KCNN2: variants seen among roughly 807,000 people sequenced by gnomAD.
KCNN2 encodes the protein small conductance calcium-activated potassium channel protein 2.
KCNN2 carries 24 observed loss-of-function variants against 55.5 expected under a neutral mutation model. The observed-to-expected ratio is 0.43, with a 90% CI of 0.31 to 0.61. KCNN2 has a LOEUF of 0.61. Ranked by LOEUF, KCNN2 falls within the 20% of genes least tolerant of loss-of-function variation. The probability of loss-of-function intolerance (pLI) is 0.08; values close to 1 mark genes in which losing one functional copy is unlikely to be tolerated. For missense variants in KCNN2, 754 were observed against 853.6 expected, an observed-to-expected ratio of 0.88 and a Z score of 1.45; for synonymous variants, 431 against 336.1, an observed-to-expected ratio of 1.28 and a Z score of -3.09.
chr5:114,381,823 A>C (rs1303640859), intron 2 of KCNN2, among the ~76,000 whole-genome samples: 1 of 152,108 alleles, frequency 6.6e-6, no homozygotes, highest in Non-Finnish European at 1.5e-5. Context: ...TTTTGCTTGT[A>C]AGCAACATAA....
intron 2 of KCNN2, among the ~76,000 whole-genome samples, chr5:114,228,158 A>C (rs768962867): frequency 3.3e-5 from 5 of 152,118 alleles, no homozygotes; most frequent in South Asian, 4.1e-4. Flanking sequence ...GGAACAATAA[A>C]ATTTCAGTCT....
At chr5:114,148,734 G>A in intron 1 of KCNN2, among the ~76,000 whole-genome samples, 1 of 152,236 alleles carries the variant, frequency 6.6e-6, no homozygotes, top group South Asian at 2.1e-4. Context: ...ACATATACAG[G>A]TTCCAAGATA....
intron 1 of KCNN2, among the ~76,000 whole-genome samples, chr5:114,127,929 C>A (rs573751966): frequency 1.6e-4 from 24 of 152,210 alleles, no homozygotes; most frequent in East Asian, 7.8e-4. Context: ...CAGTTCCCAA[C>A]AAGTTTCTTA....
At chr5:114,275,138 A>T (rs1354279835) in intron 2 of KCNN2, among the ~76,000 whole-genome samples, 4 of 152,322 alleles carry the variant, frequency 2.6e-5, no homozygotes, top group African/African-American at 9.6e-5. Context: ...GATTACATTT[A>T]TTAATTTGCA....
Position 114,087,994 on chromosome 5 carries a change from G to T in KCNN2, c.-271+31494G>T, listed in dbSNP as rs187405741. 3.4e-4 allele frequency among the ~76,000 whole-genome samples: 52 copies of T among 151,996 alleles called. 1 individual carries two copies. The East Asian group carries it at 9.9e-3, about 29-fold the overall frequency. On this transcript the variant is annotated intron_variant, in intron 1 of 10. Transcript: ENST00000512097. The stretch of plus-strand genomic sequence containing the variant: ...ACATTGTTATTATTTTTTATAGTTT[G>T]CAGATTCTATCTGATATTTTTCTTT...
intron 1 of KCNN2, among the ~76,000 whole-genome samples, chr5:114,185,640 A>G (rs758501383): frequency 6.6e-6 from 1 of 152,190 alleles, no homozygotes; most frequent in African/African-American, 2.4e-5. Context: ...TGCGAGCCTA[A>G]ATTTCCATGG....
intron 3 of KCNN2, among the ~76,000 whole-genome samples, chr5:114,420,061 G>C (rs1348724420): frequency 6.6e-6 from 1 of 152,222 alleles, no homozygotes; most frequent in East Asian, 1.9e-4. Flanking sequence ...GAATTGCTCT[G>C]ATCTCTTGAG....
chr5:114,387,113 G>A (rs748148988), intron 2 of KCNN2, among the ~76,000 whole-genome samples: 33 of 152,240 alleles, frequency 2.2e-4, no homozygotes, highest in Non-Finnish European at 2.4e-4. Flanking sequence ...TCAAGATACA[G>A]CATTGAAAAA....
chr5:114,445,684 C>A (rs1760378550), intron 3 of KCNN2, among the ~76,000 whole-genome samples: 1 of 152,130 alleles, frequency 6.6e-6, no homozygotes, highest in African/African-American at 2.4e-5. Context: ...GCTAGTATTG[C>A]TATCAATATG....
chr5:114,340,697 G>A (rs1347752837), intron 2 of KCNN2, among the ~76,000 whole-genome samples: 1 of 151,626 alleles, frequency 6.6e-6, no homozygotes, highest in African/African-American at 2.4e-5. Flanking sequence ...TGTGTGATGG[G>A]AGCACTTAAT....
At chr5:114,289,217 T>C (rs1448882888) in intron 2 of KCNN2, among the ~76,000 whole-genome samples, 3 of 152,180 alleles carry the variant, frequency 2.0e-5, no homozygotes, top group Non-Finnish European at 4.4e-5. Flanking sequence ...TTTATCCTTA[T>C]GCCAGTACCA....
At chr5:114,483,713 CTGTGTGTGTGTGTGTGTGTGTGTG>C (rs3070952) in intron 5 of KCNN2, among the ~76,000 whole-genome samples, 1 of 148,234 alleles carries the variant, frequency 6.7e-6, no homozygotes, top group Non-Finnish European at 1.5e-5. Context: ...TATTTTTCAA[CTGTGTGTGTGTGTGTGTGTGTGTG>C]TGTGTGTAAA....
intron 2 of KCNN2, among the ~76,000 whole-genome samples, chr5:114,337,689 C>A (rs1354804696): frequency 6.6e-6 from 1 of 152,110 alleles, no homozygotes; most frequent in Non-Finnish European, 1.5e-5. Flanking sequence ...TGACCACAGA[C>A]AATAGTGTTT....
At chr5:114,421,437 C>T (rs1169638664) in intron 3 of KCNN2, among the ~76,000 whole-genome samples, 1 of 151,986 alleles carries the variant, frequency 6.6e-6, no homozygotes, top group Non-Finnish European at 1.5e-5. Context: ...ATTACAGGCA[C>T]CTGCCACCAT....
intron 3 of KCNN2, among the ~76,000 whole-genome samples, chr5:114,456,926 T>G (rs1481158789): frequency 6.6e-6 from 1 of 152,184 alleles, no homozygotes; most frequent in African/African-American, 2.4e-5. Flanking sequence ...GCAAATAAAC[T>G]GTTTCTTGAG....
At chr5:114,203,422 T>G (rs1239374476) in intron 1 of KCNN2, among the ~76,000 whole-genome samples, 2 of 152,206 alleles carry the variant, frequency 1.3e-5, no homozygotes, top group African/African-American at 4.8e-5. Flanking sequence ...TCTTCATTTT[T>G]TTTAGATTTA....
rs34640722 is a variant in KCNN2 at position 114,189,133 on chromosome 5, A to AGTGTGTGTGT, written c.-270-32334_-270-32325dup. On this transcript the variant is annotated intron_variant, in intron 1 of 10. Coordinates refer to the KCNN2 transcript ENST00000512097. Reference sequence around the variant, plus strand: ...GGTTCTTCAGAGAAATAGAACCAATAGTGTGTGTGTGTGTGTGTGTGTATG... The same window carrying AGTGTGTGTGT: ...GGTTCTTCAGAGAAATAGAACCAATAGTGTGTGTGTGTGTGTGTGTGTGTGTGTGTGTATG... 8.7e-3 allele frequency among the ~76,000 whole-genome samples: 1,301 copies of AGTGTGTGTGT among 149,988 alleles called. 16 individuals are homozygous for AGTGTGTGTGT. Among genetic ancestry groups the AGTGTGTGTGT allele is most frequent in the African/African-American group, 0.024 (965 of 40,878 alleles).
At chr5:114,377,757 G>C (rs1757987581) in intron 2 of KCNN2, among the ~76,000 whole-genome samples, 1 of 152,098 alleles carries the variant, frequency 6.6e-6, no homozygotes, top group Non-Finnish European at 1.5e-5. Flanking sequence ...CCCCTCCCAG[G>C]CTCATTTTTT....
At chr5:114,281,958 T>C (rs1225519141) in intron 2 of KCNN2, among the ~76,000 whole-genome samples, 1 of 152,094 alleles carries the variant, frequency 6.6e-6, no homozygotes, top group Non-Finnish European at 1.5e-5. Context: ...CTTTGGATTA[T>C]CTAGTTAGGG....
Sources: allele counts gnomAD v4.1 joint callset (sites outside exome capture counted in the v4.1 genomes callset), GRCh38; gene constraint gnomAD v4.1.1; transcripts MANE v1.5; gene names NCBI Gene and HGNC (gene_info 2026-07-23, HGNC 2026-07-21).